The following POLR2F variants were observed in gnomAD, a reference collection of about 807,000 sequenced individuals.
POLR2F encodes DNA-directed RNA polymerases I, II, and III subunit RPABC2.
A neutral mutation model predicts 22.7 loss-of-function variants in POLR2F; 12 were observed. That is an observed-to-expected ratio of 0.53 (90% confidence interval 0.34 to 0.86). POLR2F has a LOEUF of 0.86. POLR2F is among the 40% of genes least tolerant of loss of function. The pLI is 0.02. For missense variants in POLR2F, 126 were observed against 171.5 expected, an observed-to-expected ratio of 0.73 and a Z score of 1.48; for synonymous variants, 57 against 66.0, an observed-to-expected ratio of 0.86 and a Z score of 0.66.
chr22:37,970,395 G>A (rs915327532), downstream of POLR2F, among the ~76,000 whole-genome samples: 1 of 145,502 alleles, frequency 6.9e-6, no homozygotes, highest in Non-Finnish European at 1.5e-5. Flanking sequence ...GAGGTCAGGA[G>A]ATTGAGACCA....
At chr22:37,991,112 G>A (rs966709652) in intron 1 of POLR2F, among the ~76,000 whole-genome samples, 2 of 152,086 alleles carry the variant, frequency 1.3e-5, no homozygotes, top group South Asian at 2.1e-4. Flanking sequence ...TGAGACCCCC[G>A]TTTCCATTGT....
chr22:38,010,487 G>T (rs1250057784), intron 1 of POLR2F, among the ~76,000 whole-genome samples: 1 of 151,296 alleles, frequency 6.6e-6, no homozygotes, highest in African/African-American at 2.4e-5. Flanking sequence ...CAGCAGCGAG[G>T]TTTCAGAGTT....
At chr22:37,973,849 A>G, downstream of POLR2F, 10 of 1,607,862 alleles carry the variant, frequency 6.2e-6, no homozygotes, top group Non-Finnish European at 8.5e-6. Context: ...TGGCATCCAC[A>G]CCAGGTGGTG....
chr22:37,967,796 T>C lies in POLR2F; in HGVS notation c.*81T>C. On this transcript the variant is annotated 3_prime_UTR_variant, in exon 5 of 5. Transcript: ENST00000442738. ...TGTGTAAATAATAAAATATTCAACT[T>C]TCCAACCCCCTTCCCCTCTGCTTAT... The C allele has an allele frequency of 6.6e-7, 1 of 1,524,106 alleles. No homozygotes were observed. The highest frequency in any genetic ancestry group is 1.3e-5 in the South Asian group (1 of 76,660). The allele number at this position is 1,524,106 out of a possible 1,614,324, so 94.4% of individuals were successfully genotyped here. A position where few individuals can be genotyped will look rare whatever the true frequency, so the allele number is the denominator to read the frequency against.
At chr22:38,021,662 G>A (rs1288431095) in intron 1 of POLR2F, among the ~76,000 whole-genome samples, 1 of 151,776 alleles carries the variant, frequency 6.6e-6, no homozygotes, top group African/African-American at 2.4e-5. Context: ...TCACCATGTT[G>A]GCCAGGGTGG....
chr22:37,973,423 A>T, downstream of POLR2F: 1 of 994,646 alleles, frequency 1.0e-6, no homozygotes, highest in Non-Finnish European at 1.5e-6. Context: ...ACCAGGCCTG[A>T]GGTGGGCAAG....
chr22:37,973,596 G>T, downstream of POLR2F: 1 of 1,613,254 alleles, frequency 6.2e-7, no homozygotes, highest in Non-Finnish European at 8.5e-7. Context: ...GTGTAGAGGG[G>T]CCGCTGCGAG....
chr22:38,034,662 T>C (rs1169589485), intron 5 of POLR2F, among the ~76,000 whole-genome samples: 1 of 152,118 alleles, frequency 6.6e-6, no homozygotes, highest in African/African-American at 2.4e-5. Flanking sequence ...GGGATAATAA[T>C]AGCAGCTTCC....
At chr22:37,955,589 G>A (rs1465029244) in intron 1 of POLR2F, among the ~76,000 whole-genome samples, 2 of 151,782 alleles carry the variant, frequency 1.3e-5, no homozygotes, top group African/African-American at 2.4e-5. Context: ...GGGAAACAGT[G>A]ATGATGAATG....
In POLR2F at chr22:37,968,306, C is replaced by CGA; in HGVS notation, c.*593_*594dup. ...GCAAGTCAGCAGCTGGAGCAAGGAC[C>CGA]GAGCACCTGCCTACCCCTGCCCCCA... is the stretch of plus-strand genomic sequence containing the variant. On this transcript the variant is annotated 3_prime_UTR_variant, in exon 5 of 5. Coordinates refer to ENST00000442738, the MANE Select transcript of POLR2F (RefSeq NM_021974.5). The CGA allele has an allele frequency of 1.0e-6, 1 of 985,768 alleles. No homozygotes were observed. Among genetic ancestry groups the CGA allele is most frequent in the Non-Finnish European group, 1.2e-6 (1 of 830,150 alleles). 61.1% of individuals were successfully genotyped at this position (985,768 alleles called of 1,614,324 possible). A position where few individuals can be genotyped will look rare whatever the true frequency, so the allele number is the denominator to read the frequency against.
At chr22:38,038,604 C>A (rs2085139479) in intron 5 of POLR2F, among the ~76,000 whole-genome samples, 1 of 152,164 alleles carries the variant, frequency 6.6e-6, no homozygotes, top group African/African-American at 2.4e-5. Flanking sequence ...CTCTCCCTGT[C>A]TCTCTCTGCT....
rs2084927842 is a variant in POLR2F, at chr22:38,017,803, G to C, written c.121-8066G>C. ...GTCCTTGCCCAGCCCAGGCGTTTGG[G>C]AAGTTCTTTCTGAACTCTGTCTCCC... On this transcript the variant is annotated intron_variant, in intron 1 of 2. Transcript: ENST00000333418. This position sits in a 1 kb window ranked among gnomAD's most constrained non-coding sequence, Gnocchi z 4.1. Among the ~76,000 whole-genome samples, 1 of 152,174 alleles carries C rather than the reference G, an allele frequency of 6.6e-6. No individual in the cohort carries two copies. The highest frequency in any genetic ancestry group is 1.9e-4 in the East Asian group (1 of 5,194).
At chr22:38,019,081 G>C (rs907905404) in intron 1 of POLR2F, among the ~76,000 whole-genome samples, 1 of 152,098 alleles carries the variant, frequency 6.6e-6, no homozygotes, top group Non-Finnish European at 1.5e-5. Context: ...AGAAGGAGGT[G>C]TGGGGGCACC....
At chr22:37,955,157 A>G (rs1278051193) in intron 1 of POLR2F, among the ~76,000 whole-genome samples, 1 of 151,216 alleles carries the variant, frequency 6.6e-6, no homozygotes, top group Admixed American at 6.6e-5. Context: ...GCTTCAAAGG[A>G]CACCATGGAA....
downstream of POLR2F, among the ~76,000 whole-genome samples, chr22:38,029,656 T>G (rs2085047120): frequency 6.6e-6 from 1 of 152,232 alleles, no homozygotes; most frequent in African/African-American, 2.4e-5. Flanking sequence ...AGTTGGTTTC[T>G]GTTTTTGCTA....
chr22:37,973,195 G>A (rs1932110611), downstream of POLR2F: 1 of 371,390 alleles, frequency 2.7e-6, no homozygotes, highest in Non-Finnish European at 4.9e-6. Flanking sequence ...CCCTTCTCAG[G>A]TCCTGGGATA....
intron 3 of POLR2F, among the ~76,000 whole-genome samples, chr22:37,965,775 A>G (rs190112408): frequency 6.6e-6 from 1 of 152,322 alleles, no homozygotes; most frequent in East Asian, 1.9e-4. Context: ...CAGTTTTGCA[A>G]ATGCAGGCTC....
downstream of POLR2F, among the ~76,000 whole-genome samples, chr22:38,027,478 C>T (rs2085024502): frequency 6.6e-6 from 1 of 152,082 alleles, no homozygotes; most frequent in Admixed American, 6.6e-5. Context: ...TCCTCCTTGG[C>T]CACAGTTCAC....
In POLR2F at chr22:37,968,138, G is replaced by A; in HGVS notation, c.*423G>A. Reference sequence around the variant, plus strand: ...CCTTCTCAGGAGTATCACAGAGCAGGTCTCATCAAGCCACCCATTGTTTCC... The same window carrying A: ...CCTTCTCAGGAGTATCACAGAGCAGATCTCATCAAGCCACCCATTGTTTCC... On this transcript the variant is annotated 3_prime_UTR_variant, in exon 5 of 5. Coordinates refer to ENST00000442738, the MANE Select transcript of POLR2F (RefSeq NM_021974.5). 3 of 987,158 alleles carry A rather than the reference G, an allele frequency of 3.0e-6. No homozygotes were observed. Among genetic ancestry groups the A allele is most frequent in the Non-Finnish European group, 3.6e-6 (3 of 831,112 alleles). 61.1% of individuals were successfully genotyped at this position (987,158 alleles called of 1,614,324 possible). A position where few individuals can be genotyped will look rare whatever the true frequency, so the allele number is the denominator to read the frequency against.
Sources: gnomAD v4.1 joint callset for allele counts (sites outside exome capture counted in the v4.1 genomes callset) on GRCh38, gnomAD v4.1.1 for gene constraint, Gnocchi (gnomAD v3.1) non-coding constraint, MANE v1.5 for transcripts, NCBI Gene and HGNC (gene_info 2026-07-23, HGNC 2026-07-21) for gene names.